The following UPP2 variants were observed in gnomAD, a reference collection of about 807,000 sequenced individuals.
UPP2 encodes the protein uridine phosphorylase 2.
In UPP2, 23 loss-of-function variants were observed where a neutral mutation model predicts 26.7. The ratio of observed to expected loss-of-function variants is 0.86; its 90% CI spans 0.62 to 1.22. The LOEUF (loss-of-function observed/expected upper bound fraction) is 1.22. Among genes scored for constraint, UPP2 ranks in the 50% most tolerant of loss-of-function variants. UPP2 has a pLI of 0.00. For missense variants in UPP2, 387 were observed against 396.7 expected (o/e 0.98, Z 0.21); for synonymous variants, 127 against 141.3 (o/e 0.90, Z 0.72).
At chr2:158,110,985 T>C (rs1425308170) in intron 2 of UPP2, among the ~76,000 whole-genome samples, 2 of 152,244 alleles carry the variant, frequency 1.3e-5, no homozygotes, top group Non-Finnish European at 2.9e-5. Context: ...GTAGTTTCTT[T>C]TGCTGTGCAG....
At chr2:158,038,673 T>G (rs1282818623) in intron 3 of UPP2, among the ~76,000 whole-genome samples, 1 of 152,246 alleles carries the variant, frequency 6.6e-6, no homozygotes, top group African/African-American at 2.4e-5. Flanking sequence ...CTGTGGCTAA[T>G]GCCCATTTGT....
intron 3 of UPP2, among the ~76,000 whole-genome samples, chr2:158,071,611 G>T (rs1456785741): frequency 4.2e-5 from 6 of 142,224 alleles, no homozygotes; most frequent in East Asian, 2.2e-4. Context: ...GGAGAAGAAA[G>T]CTAAGAGGAA....
chr2:158,012,925 C>T (rs1683602987), intron 2 of UPP2, among the ~76,000 whole-genome samples: 1 of 152,064 alleles, frequency 6.6e-6, no homozygotes, highest in Non-Finnish European at 1.5e-5. Context: ...TCATACCCTA[C>T]TATATGGAGA....
At chr2:158,008,807 A>G (rs1012691009) in intron 2 of UPP2, among the ~76,000 whole-genome samples, 6 of 152,210 alleles carry the variant, frequency 3.9e-5, no homozygotes, top group African/African-American at 1.4e-4. Flanking sequence ...ATTAAATGCC[A>G]TTTCAAATAT....
At chr2:158,110,274 G>C (rs573067019) in intron 2 of UPP2, among the ~76,000 whole-genome samples, 2 of 152,224 alleles carry the variant, frequency 1.3e-5, no homozygotes, top group African/African-American at 2.4e-5. Flanking sequence ...TTGTCCTTGT[G>C]ATAGTTTGCT....
chr2:158,067,691 A>G (rs1046585412), intron 3 of UPP2, among the ~76,000 whole-genome samples: 1 of 152,202 alleles, frequency 6.6e-6, no homozygotes, highest in African/African-American at 2.4e-5. Flanking sequence ...TGTGCCCCAG[A>G]ATAATTCCTG....
At chr2:158,075,612 A>G in intron 3 of UPP2, among the ~76,000 whole-genome samples, 1 of 152,074 alleles carries the variant, frequency 6.6e-6, no homozygotes, top group African/African-American at 2.4e-5. Flanking sequence ...AGAAATTAGG[A>G]AGGAAATTGA....
intron 3 of UPP2, among the ~76,000 whole-genome samples, chr2:158,082,243 C>A (rs1558924716): frequency 6.6e-6 from 1 of 152,142 alleles, no homozygotes; most frequent in Non-Finnish European, 1.5e-5. Context: ...AGCCATTATA[C>A]CTGGTCTGGT....
intron 3 of UPP2, among the ~76,000 whole-genome samples, chr2:158,057,667 T>C (rs567491759): frequency 2.2e-4 from 34 of 152,330 alleles, no homozygotes; most frequent in African/African-American, 7.7e-4. Flanking sequence ...CAGTCTATAG[T>C]TGATTCAGAT....
chr2:158,120,049 A>AG lies in UPP2; in HGVS notation c.455-1360_455-1359insG, dbSNP rs765890687. Among the ~76,000 whole-genome samples, 263 of 151,788 alleles carry AG rather than the reference A, an allele frequency of 1.7e-3. 1 individual carries two copies. Among genetic ancestry groups the AG allele is most frequent in the African/African-American group, 3.7e-3 (152 of 41,500 alleles). ...AAAAATAAAAATAAATTAAAAAAAA[A>AG]TATTTCACCCAACAAGGCTCTATTA... On this transcript the variant is annotated intron_variant, in intron 4 of 6. Coordinates refer to ENST00000005756, the MANE Select transcript of UPP2 (RefSeq NM_173355.4).
At chr2:158,129,163 C>T (rs1442200554) in intron 6 of UPP2, among the ~76,000 whole-genome samples, 1 of 151,950 alleles carries the variant, frequency 6.6e-6, no homozygotes, top group African/African-American at 2.4e-5. Flanking sequence ...CCATTGATTC[C>T]ACCCTGTCTG....
Position 158,120,010 on chromosome 2 carries a change from C to CA in UPP2, c.455-1387dup, listed in dbSNP as rs377179788. ...TGGGTGACAGAGCAAGACCTCATCT[C>CA]AAAAAAAAAAAATAAAAATAAAAAT... On this transcript the variant is annotated intron_variant, in intron 4 of 6. Transcript: ENST00000005756. Among the ~76,000 whole-genome samples, 251 of 139,406 alleles carry CA rather than the reference C, an allele frequency of 1.8e-3. 3 individuals carry two copies. Among genetic ancestry groups the CA allele is most frequent in the Middle Eastern group, 0.011 (3 of 278 alleles). The allele number at this position is 139,406 out of a possible 152,430, so 91.5% of individuals were successfully genotyped here. A position where few individuals can be genotyped will look rare whatever the true frequency, so the allele number is the denominator to read the frequency against.
intron 3 of UPP2, among the ~76,000 whole-genome samples, chr2:158,057,183 C>T (rs1039502800): frequency 3.3e-5 from 5 of 152,128 alleles, no homozygotes; most frequent in African/African-American, 7.2e-5. Flanking sequence ...GTCACCTGGC[C>T]GAGGTAGTGT....
chr2:158,024,656 A>T (rs538738678), intron 3 of UPP2, among the ~76,000 whole-genome samples: 2 of 152,328 alleles, frequency 1.3e-5, no homozygotes, highest in East Asian at 3.9e-4. Context: ...CTCACATTTT[A>T]ATCAAATACT....
intron 2 of UPP2, 41 bp downstream of exon 2, chr2:158,106,257 C>G: frequency 6.4e-7 from 1 of 1,569,482 alleles, no homozygotes; most frequent in Non-Finnish European, 8.7e-7. Flanking sequence ...ATTGAGTTTT[C>G]TCTACTAATT....
rs1254186625 is a variant in UPP2 at position 158,134,733 on chromosome 2, T to G, written c.812-15T>G. 2 of 1,594,874 alleles carry G rather than the reference T, an allele frequency of 1.3e-6. No homozygotes were observed. The highest frequency in any genetic ancestry group is 1.7e-6 in the Non-Finnish European group (2 of 1,170,110). ...AACCCATTCATTCCATCAGTTGTGC[T>G]AATTGCTCTTCTAGCTGCTGTGGTC... On this transcript the variant is annotated splice_polypyrimidine_tract_variant and intron_variant, in intron 6 of 6. Coordinates refer to ENST00000005756, the MANE Select transcript of UPP2 (RefSeq NM_173355.4).
At chr2:158,076,926 AAC>A (rs1682639422) in intron 3 of UPP2, among the ~76,000 whole-genome samples, 1 of 152,016 alleles carries the variant, frequency 6.6e-6, no homozygotes, top group Non-Finnish European at 1.5e-5. Context: ...AAAACCTAAA[AAC>A]TCCACAAGGA....
intron 3 of UPP2, among the ~76,000 whole-genome samples, chr2:158,083,806 A>G (rs1682767610): frequency 6.8e-6 from 1 of 147,664 alleles, no homozygotes; most frequent in Admixed American, 6.8e-5. Flanking sequence ...ATATATATAC[A>G]TATATATATA....
intron 6 of UPP2, among the ~76,000 whole-genome samples, chr2:158,129,922 C>T (rs895171166): frequency 2.6e-5 from 4 of 151,954 alleles, no homozygotes; most frequent in Admixed American, 1.3e-4. Flanking sequence ...CATACAACCA[C>T]GAATTTGTGT....
Sources: allele counts gnomAD v4.1 joint callset (sites outside exome capture counted in the v4.1 genomes callset), GRCh38; gene constraint gnomAD v4.1.1; transcripts MANE v1.5; gene names NCBI Gene and HGNC (gene_info 2026-07-23, HGNC 2026-07-21).